Variants in TAF1 observed in about 807,000 individuals in gnomAD.
TAF1 encodes transcription initiation factor TFIID subunit 1.
A neutral mutation model predicts 138.5 loss-of-function variants in TAF1; 2 were observed. That is an observed-to-expected ratio of 0.01 (90% confidence interval 0.01 to 0.05). The LOEUF (loss-of-function observed/expected upper bound fraction) is 0.05. Ranked by LOEUF, TAF1 falls within the 10% of genes least tolerant of loss-of-function variation. TAF1 has a pLI of 1.00. For missense variants in TAF1, 709 were observed against 1,478.0 expected (o/e 0.48, Z 8.53); for synonymous variants, 437 against 503.2 (o/e 0.87, Z 1.76).
downstream of TAF1, among the ~76,000 whole-genome samples, chrX:71,468,694 A>AG (rs34151387): frequency 0.072 from 7,586 of 104,983 alleles, 310 homozygotes; most frequent in Non-Finnish European, 0.11. Flanking sequence ...CAAAAAAAAA[A>AG]AAAAAAAATT....
At chrX:71,411,016 C>T (rs755266850) in intron 28 of TAF1, among the ~76,000 whole-genome samples, 17 of 109,937 alleles carry the variant, frequency 1.5e-4, no homozygotes, top group Non-Finnish European at 2.7e-4. Flanking sequence ...CTCCTGACTT[C>T]AGGTGATCTG....
intron 13 of TAF1, among the ~76,000 whole-genome samples, chrX:71,493,525 G>C (rs754103787): frequency 1.6e-4 from 18 of 112,600 alleles, no homozygotes; most frequent in Non-Finnish European, 3.0e-4. Flanking sequence ...GCTTTCAGTT[G>C]GAAGAAGTAG....
At chrX:71,515,671 C>T (rs1383182185) in intron 13 of TAF1, among the ~76,000 whole-genome samples, 1 of 111,427 alleles carries the variant, frequency 9.0e-6, no homozygotes, top group East Asian at 2.8e-4. Context: ...CCATCCCCCA[C>T]TTAGCACTCT....
chrX:71,484,015 C>T (rs1406047324), intron 13 of TAF1, among the ~76,000 whole-genome samples: 1 of 109,745 alleles, frequency 9.1e-6, no homozygotes, highest in African/African-American at 3.3e-5. Flanking sequence ...CCCAGTTTGC[C>T]TCATTCTTTT....
chrX:71,393,224 T>TGTGTGTG, intron 20 of TAF1, 77 bp from the exon 21 acceptor site: 1 of 959,668 alleles, frequency 1.0e-6, no homozygotes, highest in Non-Finnish European at 1.4e-6. Context: ...CCTGAATGAT[T>TGTGTGTG]TGTGTGTGTG....
rs1184957410 is a variant in TAF1 at position 71,424,127 on chromosome X, C to A, written c.4669-27C>A. On this transcript the variant is annotated intron_variant, in intron 31 of 37. Coordinates refer to ENST00000423759, the MANE Select transcript of TAF1 (RefSeq NM_004606.5). ...ATCAAGTGACTGTGTGTGTGTGTAT[C>A]TGAGTGCCTGATTCTTTTCATCACA... 1.0e-5 allele frequency: 12 copies of A among 1,198,928 alleles called. No individual in the cohort carries two copies. The South Asian group carries it at 2.0e-4, about 20-fold the overall frequency.
At chrX:71,507,427 A>G (rs774651718) in intron 13 of TAF1, among the ~76,000 whole-genome samples, 3 of 110,791 alleles carry the variant, frequency 2.7e-5, no homozygotes, top group Admixed American at 9.7e-5. Flanking sequence ...ATGAGATGTC[A>G]CTATGTTGCC....
chrX:71,387,712 T>G (rs75123108), intron 15 of TAF1, among the ~76,000 whole-genome samples: 3 of 111,593 alleles, frequency 2.7e-5, no homozygotes, highest in Non-Finnish European at 5.7e-5. Context: ...GGTGGGCGGA[T>G]CACCTGAGGT....
intron 32 of TAF1, among the ~76,000 whole-genome samples, chrX:71,431,026 T>A (rs1291744314): frequency 1.0e-5 from 1 of 96,051 alleles, no homozygotes; most frequent in African/African-American, 3.9e-5. Context: ...TTTTTTTTTT[T>A]TTTTTTGAGA....
chrX:71,460,909 C>A, intron 37 of TAF1, 106 bp downstream of exon 37: 1 of 1,058,131 alleles, frequency 9.5e-7, no homozygotes, highest in Non-Finnish European at 1.3e-6. Context: ...TTCCTGGGCA[C>A]CTACTAGGGC....
chrX:71,431,122 T>G (rs2036867570), intron 32 of TAF1, among the ~76,000 whole-genome samples: 1 of 105,864 alleles, frequency 9.4e-6, no homozygotes, highest in African/African-American at 3.5e-5. Context: ...TCAAGTGATT[T>G]GCCTATCTCA....
At chrX:71,458,699 TTATGTG>T (rs2038413957) in intron 35 of TAF1, among the ~76,000 whole-genome samples, 1 of 111,818 alleles carries the variant, frequency 8.9e-6, no homozygotes, top group African/African-American at 3.2e-5. Flanking sequence ...TTGGCCTACT[TTATGTG>T]TATTATAATT....
chrX:71,519,190 C>T (rs1405724669), intron 13 of TAF1, among the ~76,000 whole-genome samples: 5 of 106,557 alleles, frequency 4.7e-5, no homozygotes, highest in African/African-American at 1.7e-4. Context: ...GGCGTGGTGG[C>T]GGGTGCCTGT....
chrX:71,493,041 CAG>C (rs1488280443), intron 13 of TAF1: 8 of 106,974 alleles, frequency 7.5e-5, no homozygotes, highest in African/African-American at 2.8e-4. Flanking sequence ...TTTTTTTTGA[CAG>C]AGTCTCACTC....
Position 71,476,735 on chromosome X carries a change from A to T in TAF1, c.1366+15932A>T, listed in dbSNP as rs577765679. On this transcript the variant is annotated intron_variant and NMD_transcript_variant, in intron 13 of 14. Transcript: ENST00000373775. ...CAGGAATAGGCAAATGTAGCAATGGAATAGAGTAGAGAACTTAGAAGCGGA... is the reference window on the plus strand; with the variant it reads ...CAGGAATAGGCAAATGTAGCAATGGTATAGAGTAGAGAACTTAGAAGCGGA... Among the ~76,000 whole-genome samples the T allele has an allele frequency of 1.3e-4, 14 of 111,015 alleles. 1 individual carries two copies. The highest frequency in any genetic ancestry group is 4.6e-4 in the African/African-American group (14 of 30,645).
chrX:71,407,911 T>C, intron 27 of TAF1, 63 bp from the exon 28 acceptor site: 1 of 1,159,753 alleles, frequency 8.6e-7, no homozygotes, highest in East Asian at 3.0e-5. Flanking sequence ...GATGTGAAAG[T>C]CTTCAGGAAT....
chrX:71,513,209 G>C (rs962559756), intron 13 of TAF1, among the ~76,000 whole-genome samples: 1 of 111,590 alleles, frequency 9.0e-6, no homozygotes, highest in Non-Finnish European at 1.9e-5. Context: ...ACGTGTTTAA[G>C]GCTGAGGAGC....
At chrX:71,462,526 C>T (rs1018935025) in intron 37 of TAF1, among the ~76,000 whole-genome samples, 34 of 111,115 alleles carry the variant, frequency 3.1e-4, no homozygotes, top group Non-Finnish European at 6.2e-4. Flanking sequence ...GAGCCGAGAT[C>T]GTGCCACTGT....
chrX:71,398,936 A>G (rs1327799518), intron 24 of TAF1, among the ~76,000 whole-genome samples, 199 bp downstream of exon 24: 1 of 111,160 alleles, frequency 9.0e-6, no homozygotes, highest in African/African-American at 3.3e-5. Context: ...ATCTGGTGCT[A>G]TTGTTCTCTC....
Sources: gnomAD v4.1 joint callset for allele counts (sites outside exome capture counted in the v4.1 genomes callset) on GRCh38, gnomAD v4.1.1 for gene constraint, MANE v1.5 for transcripts, NCBI Gene and HGNC (gene_info 2026-07-23, HGNC 2026-07-21) for gene names.